OXCT1: variants seen among roughly 807,000 people sequenced by gnomAD.
OXCT1 encodes the protein succinyl-CoA:3-ketoacid coenzyme A transferase 1, mitochondrial.
A neutral mutation model predicts 69.6 loss-of-function variants in OXCT1; 27 were observed. The observed-to-expected ratio is 0.39, with a 90% CI of 0.29 to 0.54. OXCT1 has a LOEUF of 0.54. OXCT1 is among the 20% of genes least tolerant of loss of function. OXCT1 has a pLI of 0.72. For missense variants in OXCT1, 437 were observed against 650.2 expected, an observed-to-expected ratio of 0.67 and a Z score of 3.57; for synonymous variants, 202 against 217.8, an observed-to-expected ratio of 0.93 and a Z score of 0.64.
chr5:41,852,348 T>C (rs141598555), intron 4 of OXCT1, among the ~76,000 whole-genome samples: 325 of 152,356 alleles, frequency 2.1e-3, no homozygotes, highest in African/African-American at 7.5e-3. Context: ...GTGTGCTTTC[T>C]AGACAAACAC....
intron 4 of OXCT1, among the ~76,000 whole-genome samples, chr5:41,850,757 A>T (rs570433294): frequency 2.8e-4 from 43 of 152,314 alleles, no homozygotes; most frequent in African/African-American, 9.1e-4. Context: ...TCAGAGTAGA[A>T]ACAGCTGCAA....
intron 1 of OXCT1, among the ~76,000 whole-genome samples, chr5:41,868,911 A>G (rs1750137854): frequency 6.6e-6 from 1 of 152,178 alleles, no homozygotes; most frequent in Admixed American, 6.5e-5. Flanking sequence ...AGCTTCGGAA[A>G]TGGTTTAATG....
intron 7 of OXCT1, among the ~76,000 whole-genome samples, chr5:41,809,955 T>C (rs185240739): frequency 1.2e-4 from 19 of 152,188 alleles, no homozygotes; most frequent in East Asian, 5.8e-4. Flanking sequence ...CTCAACAGTA[T>C]TGAAAACGTC....
intron 4 of OXCT1, among the ~76,000 whole-genome samples, chr5:41,851,459 T>C (rs776095377): frequency 1.1e-4 from 17 of 152,178 alleles, no homozygotes; most frequent in Non-Finnish European, 1.8e-4. Flanking sequence ...AAATATGTTT[T>C]ATATATACCC....
chr5:41,820,001 A>G (rs1228105667), intron 7 of OXCT1, among the ~76,000 whole-genome samples: 1 of 152,158 alleles, frequency 6.6e-6, no homozygotes, highest in African/African-American at 2.4e-5. Context: ...GTTCTAATCT[A>G]GAGTGCCTGG....
intron 13 of OXCT1, among the ~76,000 whole-genome samples, chr5:41,769,889 G>C (rs1289788593): frequency 6.6e-6 from 1 of 152,180 alleles, no homozygotes; most frequent in African/African-American, 2.4e-5. Flanking sequence ...CTCCCAAGTA[G>C]CTGGGGTTAC....
intron 7 of OXCT1, among the ~76,000 whole-genome samples, chr5:41,814,399 A>G (rs980342247): frequency 6.6e-6 from 1 of 152,034 alleles, no homozygotes; most frequent in African/African-American, 2.4e-5. Flanking sequence ...TATTCCAAAC[A>G]CCATGCTGCT....
At chr5:41,754,942 T>C (rs1743985751) in intron 14 of OXCT1, among the ~76,000 whole-genome samples, 1 of 152,096 alleles carries the variant, frequency 6.6e-6, no homozygotes, top group African/African-American at 2.4e-5. Context: ...GAAGGCCCCT[T>C]ATACACTGTA....
chr5:41,775,682 C>G (rs968442973), intron 13 of OXCT1, among the ~76,000 whole-genome samples: 14 of 152,126 alleles, frequency 9.2e-5, no homozygotes, highest in Admixed American at 9.2e-4. Context: ...ACCCTCTAAT[C>G]ATGTCTTGGT....
chr5:41,817,607 T>C (rs1747313344), intron 7 of OXCT1, among the ~76,000 whole-genome samples: 1 of 152,216 alleles, frequency 6.6e-6, no homozygotes, highest in Non-Finnish European at 1.5e-5. Flanking sequence ...TCAATACCCC[T>C]CTGTACTTGT....
At chr5:41,757,875 G>T (rs1296919303) in intron 14 of OXCT1, among the ~76,000 whole-genome samples, 1 of 152,116 alleles carries the variant, frequency 6.6e-6, no homozygotes, top group Non-Finnish European at 1.5e-5. Context: ...GCTGGGGAGC[G>T]AATCGCAAAG....
intron 10 of OXCT1, among the ~76,000 whole-genome samples, chr5:41,802,132 A>G (rs958413508): frequency 2.0e-5 from 3 of 152,152 alleles, no homozygotes; most frequent in Admixed American, 1.3e-4. Context: ...TTAAAAATGC[A>G]AGTCTTTAAC....
chr5:41,815,373 C>G (rs1334713750), intron 7 of OXCT1, among the ~76,000 whole-genome samples: 2 of 151,988 alleles, frequency 1.3e-5, no homozygotes, highest in Non-Finnish European at 1.5e-5. Context: ...GAGATGAGAT[C>G]TCATTATGTT....
intron 13 of OXCT1, among the ~76,000 whole-genome samples, chr5:41,782,645 A>T (rs181480631): frequency 5.6e-4 from 85 of 152,266 alleles, no homozygotes; most frequent in African/African-American, 1.9e-3. Context: ...TCTGGATATT[A>T]GTCATTTTTC....
At chr5:41,743,469 A>C (rs1406830657) in intron 15 of OXCT1, among the ~76,000 whole-genome samples, 2 of 152,070 alleles carry the variant, frequency 1.3e-5, no homozygotes, top group East Asian at 3.9e-4. Flanking sequence ...GCTGTGCAGA[A>C]ACTCTTTAGT....
chr5:41,817,174 AG>A (rs1747286303), intron 7 of OXCT1, among the ~76,000 whole-genome samples: 1 of 152,172 alleles, frequency 6.6e-6, no homozygotes, highest in Admixed American at 6.5e-5. Flanking sequence ...ATATTTAGTA[AG>A]GGACATTTTA....
chr5:41,845,366 C>T (rs2112420827), intron 5 of OXCT1, among the ~76,000 whole-genome samples: 1 of 152,254 alleles, frequency 6.6e-6, no homozygotes, highest in African/African-American at 2.4e-5. Context: ...ATTCTCTTTG[C>T]TGTTAATCTA....
intron 14 of OXCT1, among the ~76,000 whole-genome samples, chr5:41,756,924 G>C (rs1017242140): frequency 6.6e-6 from 1 of 152,010 alleles, no homozygotes. Flanking sequence ...AGTGAGTGAG[G>C]GTGAAGTTAA....
chr5:41,866,105 G>A (rs1205542706), intron 1 of OXCT1, among the ~76,000 whole-genome samples: 2 of 143,732 alleles, frequency 1.4e-5, no homozygotes, highest in Non-Finnish European at 3.0e-5. Context: ...CAGAAGCCCT[G>A]TGCCTGGACT....
Sources: gnomAD v4.1 joint callset for allele counts (sites outside exome capture counted in the v4.1 genomes callset) on GRCh38, gnomAD v4.1.1 for gene constraint, MANE v1.5 for transcripts, NCBI Gene and HGNC (gene_info 2026-07-23, HGNC 2026-07-21) for gene names.